The following SLC36A1 variants were observed in gnomAD, a reference collection of about 807,000 sequenced individuals.
SLC36A1 encodes the protein proton-coupled amino acid transporter 1.
A neutral mutation model predicts 47.5 loss-of-function variants in SLC36A1; 30 were observed. The observed-to-expected ratio is 0.63, with a 90% CI of 0.47 to 0.86. SLC36A1 has a LOEUF of 0.86. SLC36A1 is among the 40% of genes least tolerant of loss of function. SLC36A1 has a pLI of 0.00. For missense variants in SLC36A1, 517 were observed against 606.0 expected, an observed-to-expected ratio of 0.85 and a Z score of 1.54; for synonymous variants, 255 against 249.7, an observed-to-expected ratio of 1.02 and a Z score of -0.20.
chr5:151,377,546 A>G, the SLC36A1 span, among the ~76,000 whole-genome samples: 1 of 150,440 alleles, frequency 6.6e-6, no homozygotes. Context: ...ACGGGGTTTC[A>G]CCGTGTTAGC....
At chr5:151,509,701 T>C in the SLC36A1 span, 28 of 242,756 alleles carry the variant, frequency 1.2e-4, no homozygotes, top group Admixed American at 7.6e-4. Context: ...TTCTACGTTA[T>C]GGTGAGTTGT....
At chr5:151,376,241 A>G in the SLC36A1 span, among the ~76,000 whole-genome samples, 1 of 152,152 alleles carries the variant, frequency 6.6e-6, no homozygotes, top group African/African-American at 2.4e-5. Context: ...TTCTTCATCT[A>G]TTAAGATAAT....
chr5:151,460,862 A>G (rs1755402656), intron 2 of SLC36A1, among the ~76,000 whole-genome samples: 1 of 150,076 alleles, frequency 6.7e-6, no homozygotes, highest in African/African-American at 2.5e-5. Context: ...ACATGGAAGT[A>G]CTTCTACACC....
At chr5:151,414,009 C>G in the SLC36A1 span, among the ~76,000 whole-genome samples, 1 of 152,080 alleles carries the variant, frequency 6.6e-6, no homozygotes, top group South Asian at 2.1e-4. Context: ...GACCTATTTG[C>G]TCAAAATACA....
At chr5:151,485,036 T>C (rs1262991056) in intron 10 of SLC36A1, among the ~76,000 whole-genome samples, 1 of 152,156 alleles carries the variant, frequency 6.6e-6, no homozygotes, top group Non-Finnish European at 1.5e-5. Context: ...AGCTCTTTTG[T>C]TGAGCGTTAG....
the SLC36A1 span, among the ~76,000 whole-genome samples, chr5:151,353,520 C>T: frequency 0.068 from 10,277 of 152,160 alleles, 1,116 homozygotes; most frequent in African/African-American, 0.23. Flanking sequence ...TATTGACATC[C>T]AGCAACGGAG....
At chr5:151,531,665 G>A in the SLC36A1 span, 6 of 1,613,650 alleles carry the variant, frequency 3.7e-6, no homozygotes, top group Non-Finnish European at 5.1e-6. This position sits in a 1 kb window ranked among gnomAD's most constrained non-coding sequence, Gnocchi z 5.7. Context: ...GCGCCCGGGC[G>A]AGTGAGGGTG....
At chr5:151,383,603 C>T in the SLC36A1 span, among the ~76,000 whole-genome samples, 1 of 133,274 alleles carries the variant, frequency 7.5e-6, no homozygotes. Flanking sequence ...GACAGAGACT[C>T]GCTCTGTCGC....
At chr5:151,495,118 C>G (rs763746553), downstream of SLC36A1, among the ~76,000 whole-genome samples, 4 of 152,172 alleles carry the variant, frequency 2.6e-5, no homozygotes, top group African/African-American at 7.2e-5. Flanking sequence ...ATAACAGTTA[C>G]AGTTGCTCCA....
chr5:151,370,065 T>C, the SLC36A1 span, among the ~76,000 whole-genome samples: 1 of 152,170 alleles, frequency 6.6e-6, no homozygotes, highest in Non-Finnish European at 1.5e-5. Flanking sequence ...CCTCCCAAAG[T>C]GTTGGGATTA....
At chr5:151,410,579 C>A in the SLC36A1 span, among the ~76,000 whole-genome samples, 1 of 144,290 alleles carries the variant, frequency 6.9e-6, no homozygotes, top group African/African-American at 2.5e-5. Flanking sequence ...AATAGCATAT[C>A]AATATCATAG....
chr5:151,489,586 C>A lies in SLC36A1; in HGVS notation c.*1332C>A, dbSNP rs1759942112. On this transcript the variant is annotated 3_prime_UTR_variant, in exon 11 of 11. Transcript: ENST00000243389. The surrounding 1 kb of genome is among the most constrained non-coding windows in gnomAD (Gnocchi z 4.5). The stretch of plus-strand genomic sequence containing the variant: ...AACACTAATTATGAGCCCTGTCTTT[C>A]CCCCAGAATGCCTCCCTGGGTTTCA... 1 of 152,598 alleles carries A rather than the reference C, an allele frequency of 6.6e-6. No homozygotes were observed. The highest frequency in any genetic ancestry group is 2.4e-5 in the African/African-American group (1 of 41,442). 9.5% of individuals were successfully genotyped at this position (152,598 alleles called of 1,614,324 possible).
the SLC36A1 span, chr5:151,534,723 A>G: frequency 8.2e-7 from 1 of 1,220,330 alleles, no homozygotes; most frequent in Non-Finnish European, 1.2e-6. Flanking sequence ...TCTACAGGAG[A>G]CAAACCCAGC....
chr5:151,468,251 C>CAAAAAAAA (rs1214176868), intron 7 of SLC36A1, among the ~76,000 whole-genome samples: 113 of 31,256 alleles, frequency 3.6e-3, no homozygotes, highest in African/African-American at 0.014. Flanking sequence ...GACTCTGTCT[C>CAAAAAAAA]AAAAAAAAAA....
At chr5:151,346,467 T>A in the SLC36A1 span, among the ~76,000 whole-genome samples, 20 of 152,106 alleles carry the variant, frequency 1.3e-4, no homozygotes, top group Admixed American at 1.3e-3. Flanking sequence ...GCCACCTGTT[T>A]TGCATGTCAG....
chr5:151,538,229 G>A, the SLC36A1 span, among the ~76,000 whole-genome samples: 1 of 152,192 alleles, frequency 6.6e-6, no homozygotes, highest in African/African-American at 2.4e-5. Context: ...AGAGAGAATG[G>A]AGAAGTTCTG....
chr5:151,546,179 C>T, the SLC36A1 span: 112 of 1,614,186 alleles, frequency 6.9e-5, 1 homozygote, highest in African/African-American at 1.3e-3. Flanking sequence ...GAGGGATAGA[C>T]ATGAATGATC....
chr5:151,372,385 A>C, the SLC36A1 span, among the ~76,000 whole-genome samples: 1 of 152,230 alleles, frequency 6.6e-6, no homozygotes, highest in Admixed American at 6.5e-5. Context: ...ATCATACAAA[A>C]TAGTGAAATG....
At chr5:151,431,873 T>C in the SLC36A1 span, among the ~76,000 whole-genome samples, 1 of 152,304 alleles carries the variant, frequency 6.6e-6, no homozygotes, top group East Asian at 1.9e-4. Flanking sequence ...AAGAATAGCT[T>C]TGGCATGCAG....
Sources: gnomAD v4.1 joint callset for allele counts (sites outside exome capture counted in the v4.1 genomes callset) on GRCh38, gnomAD v4.1.1 for gene constraint, Gnocchi (gnomAD v3.1) non-coding constraint, MANE v1.5 for transcripts, NCBI Gene and HGNC (gene_info 2026-07-23, HGNC 2026-07-21) for gene names.